The following CACNG5 variants were observed in gnomAD, a reference collection of about 807,000 sequenced individuals.
CACNG5 encodes the protein voltage-dependent calcium channel gamma-5 subunit.
A neutral mutation model predicts 24.8 loss-of-function variants in CACNG5; 18 were observed. That is an observed-to-expected ratio of 0.73 (90% CI 0.50 to 1.08). CACNG5 has a LOEUF of 1.08. CACNG5 is among the 50% of genes least tolerant of loss of function. The pLI, the probability that CACNG5 is intolerant of heterozygous loss-of-function variation, is 0.00. For synonymous variants in CACNG5, 157 were observed against 149.1 expected (o/e 1.05, Z -0.39); for missense variants, 349 against 367.9 (o/e 0.95, Z 0.42).
intron 1 of CACNG5, among the ~76,000 whole-genome samples, chr17:66,841,580 G>A (rs1976569063): frequency 6.6e-6 from 1 of 152,128 alleles, no homozygotes; most frequent in South Asian, 2.1e-4. Context: ...CCTAGGCAAG[G>A]AGAGCCGGGC....
At position 66,837,604 on chromosome 17, in the gene CACNG5, T is replaced by A. The variant is rs114766377; in HGVS notation, c.-104+2354T>A. The stretch of plus-strand genomic sequence containing the variant: ...AAATATCATCCTGTTCCCCCAAACC[T>A]AGCCATCTGATGCTTAATATCCCAC... On this transcript the variant is annotated intron_variant, in intron 1 of 5. Transcript: ENST00000533854. Among the ~76,000 whole-genome samples the A allele has an allele frequency of 9.1e-3, 1,386 of 152,316 alleles. 17 individuals are homozygous for A. The highest frequency in any genetic ancestry group is 0.032 in the African/African-American group (1,314 of 41,566).
chr17:66,851,949 A>G (rs1206686498), intron 1 of CACNG5, among the ~76,000 whole-genome samples: 1 of 152,232 alleles, frequency 6.6e-6, no homozygotes, highest in African/African-American at 2.4e-5. Flanking sequence ...CTGATAAAGC[A>G]TTGTTTCCAG....
At chr17:66,879,346 C>T (rs773612859) in intron 3 of CACNG5, among the ~76,000 whole-genome samples, 13 of 152,164 alleles carry the variant, frequency 8.5e-5, no homozygotes, top group African/African-American at 1.4e-4. Flanking sequence ...GTCGTTTCTG[C>T]CCCCAGTATG....
chr17:66,852,841 T>C (rs959651266), intron 1 of CACNG5, among the ~76,000 whole-genome samples: 1 of 151,706 alleles, frequency 6.6e-6, no homozygotes, highest in Non-Finnish European at 1.5e-5. Context: ...TTCGCTTCCC[T>C]TTTCCCTCCC....
intron 1 of CACNG5, among the ~76,000 whole-genome samples, chr17:66,875,521 C>T (rs943448078): frequency 6.6e-6 from 1 of 152,182 alleles, no homozygotes; most frequent in South Asian, 2.1e-4. Flanking sequence ...CACCCCTCAA[C>T]CCCTTCTCAC....
chr17:66,853,316 A>G (rs1054358798), intron 1 of CACNG5, among the ~76,000 whole-genome samples: 1 of 152,156 alleles, frequency 6.6e-6, no homozygotes, highest in Non-Finnish European at 1.5e-5. Context: ...CTCGGGTGTA[A>G]GTCTTTATGC....
chr17:66,847,480 C>T (rs1473110331), intron 1 of CACNG5, among the ~76,000 whole-genome samples: 1 of 152,082 alleles, frequency 6.6e-6, no homozygotes, highest in Non-Finnish European at 1.5e-5. Context: ...TGCAGGGGAA[C>T]TGCCCTTTAT....
At chr17:66,854,779 ACAACACC>A (rs1976749989) in intron 1 of CACNG5, among the ~76,000 whole-genome samples, 1 of 152,174 alleles carries the variant, frequency 6.6e-6, no homozygotes, top group East Asian at 1.9e-4. Context: ...ATTAATATCC[ACAACACC>A]TCAAGAACTC....
intron 1 of CACNG5, among the ~76,000 whole-genome samples, chr17:66,836,364 C>G (rs1318549471): frequency 6.6e-6 from 1 of 152,232 alleles, no homozygotes. Context: ...CCACCTCACA[C>G]CCATTCCCCT....
chr17:66,849,697 C>T (rs1033262273), intron 1 of CACNG5, among the ~76,000 whole-genome samples: 2 of 152,192 alleles, frequency 1.3e-5, no homozygotes, highest in Admixed American at 6.5e-5. Flanking sequence ...AGACGGATCA[C>T]GCCACCCACA....
intron 1 of CACNG5, among the ~76,000 whole-genome samples, chr17:66,846,402 C>G (rs1214149610): frequency 6.6e-6 from 1 of 152,168 alleles, no homozygotes; most frequent in Non-Finnish European, 1.5e-5. Context: ...TTTCCCAAGG[C>G]CCTGGCAACC....
At chr17:66,840,168 G>C (rs1200344366) in intron 1 of CACNG5, among the ~76,000 whole-genome samples, 1 of 152,118 alleles carries the variant, frequency 6.6e-6, no homozygotes, top group African/African-American at 2.4e-5. Flanking sequence ...CCCCCTCTCT[G>C]TGCACCCGTG....
chr17:66,885,269 G>A lies in CACNG5; in HGVS notation c.*29G>A. The A allele has an allele frequency of 1.9e-6, 3 of 1,541,956 alleles. No individual in the cohort carries two copies. Among genetic ancestry groups the A allele is most frequent in the Non-Finnish European group, 2.6e-6 (3 of 1,150,744 alleles). ...TCGGCCGCCCCCATCCCTGGACTGT[G>A]GGTGGCCAGACAACCCTTCCTGTTC... On this transcript the variant is annotated 3_prime_UTR_variant, in exon 6 of 6. Transcript: ENST00000533854.
intron 1 of CACNG5, among the ~76,000 whole-genome samples, chr17:66,841,370 C>G (rs1029015694): frequency 6.6e-6 from 1 of 152,202 alleles, no homozygotes; most frequent in Non-Finnish European, 1.5e-5. Flanking sequence ...TAAGCAGTTC[C>G]CAGCTTGACT....
At chr17:66,864,810 T>C (rs191624280) in intron 1 of CACNG5, among the ~76,000 whole-genome samples, 87 of 152,372 alleles carry the variant, frequency 5.7e-4, no homozygotes, top group Non-Finnish European at 8.5e-4. Context: ...TGTGTCATCT[T>C]CTAAACCAAA....
At chr17:66,838,106 C>T (rs1976508077) in intron 1 of CACNG5, among the ~76,000 whole-genome samples, 1 of 151,820 alleles carries the variant, frequency 6.6e-6, no homozygotes, top group African/African-American at 2.4e-5. Flanking sequence ...GTGCCCTCTG[C>T]ATTAGAAGAG....
chr17:66,859,395 G>A lies in CACNG5; in HGVS notation c.-103-17835G>A, dbSNP rs571966414. On this transcript the variant is annotated intron_variant, in intron 1 of 5. Coordinates refer to ENST00000533854, the MANE Select transcript of CACNG5 (RefSeq NM_145811.3). Reference sequence around the variant, plus strand: ...TGTGGTGGAGGGAAGGAGAGGTTTGGGTATGTGTCCTACATATCATTAGAA... The same window carrying A: ...TGTGGTGGAGGGAAGGAGAGGTTTGAGTATGTGTCCTACATATCATTAGAA... Among the ~76,000 whole-genome samples, 19 of 152,192 alleles carry A rather than the reference G, an allele frequency of 1.2e-4. No individual in the cohort carries two copies. The South Asian group carries it at 3.9e-3, about 32-fold the overall frequency.
At chr17:66,838,723 A>G (rs917187101) in intron 1 of CACNG5, among the ~76,000 whole-genome samples, 1 of 152,130 alleles carries the variant, frequency 6.6e-6, no homozygotes, top group East Asian at 1.9e-4. Flanking sequence ...AACGATGACA[A>G]CAATGATGAT....
At chr17:66,877,106 G>C in intron 1 of CACNG5, 124 bp from the exon 2 acceptor site, 1 of 520,172 alleles carries the variant, frequency 1.9e-6, no homozygotes, top group Non-Finnish European at 3.4e-6. Flanking sequence ...CGGGGTTAGG[G>C]GGAGGGTGGC....
Sources: gnomAD v4.1 joint callset for allele counts (sites outside exome capture counted in the v4.1 genomes callset) on GRCh38, gnomAD v4.1.1 for gene constraint, MANE v1.5 for transcripts, NCBI Gene and HGNC (gene_info 2026-07-23, HGNC 2026-07-21) for gene names.